Variants in RNF213 observed in about 807,000 individuals in gnomAD.
The protein encoded by RNF213 is ring finger protein 213.
Under a neutral mutation model 514.4 loss-of-function variants are expected in RNF213, and 341 were observed. That is an observed-to-expected ratio of 0.66 (90% CI 0.61 to 0.73). The LOEUF is 0.73. RNF213 is among the 30% of genes least tolerant of loss of function. RNF213 has a pLI of 0.00. For missense variants in RNF213, 5,767 were observed against 6,615.6 expected (o/e 0.87, Z 4.45); for synonymous variants, 2,655 against 2,658.2 (o/e 1.00, Z 0.04).
At chr17:80,384,000 C>CTT (rs1805967061) in intron 59 of RNF213, 72 bp downstream of exon 59, 2 of 1,561,718 alleles carry the variant, frequency 1.3e-6, no homozygotes, top group African/African-American at 1.4e-5. Context: ...AGGCCCTGGG[C>CTT]TTTTACGTAG....
At chr17:80,330,852 C>G (rs1028687165) in intron 20 of RNF213, among the ~76,000 whole-genome samples, 18 of 152,206 alleles carry the variant, frequency 1.2e-4, no homozygotes, top group African/African-American at 4.3e-4. Flanking sequence ...GAGTCTTGCC[C>G]TGTTGTCCAG....
Position 80,372,656 on chromosome 17 carries a change from T to C in RNF213, c.12673T>C (p.Tyr4225His). The part of the protein sequence containing the change: ...REPANEASVE[Y>H]LQEVARIRLC... ...GCCTGCCAACGAGGCCTCGGTTGAATACCTGCAAGAGGTGGCCCGGATCCG... is the reference window on the plus strand; with the variant it reads ...GCCTGCCAACGAGGCCTCGGTTGAACACCTGCAAGAGGTGGCCCGGATCCG... The change falls in exon 48 of 68, where the codon TAC (tyrosine) becomes CAC (histidine). Residue 4225 changes from tyrosine to histidine, a missense_variant. By Grantham distance (83) the Tyr-to-His change is moderately conservative. Transcript: ENST00000582970. 3 of 1,614,092 alleles carry C rather than the reference T, an allele frequency of 1.9e-6. No homozygotes were observed. Among genetic ancestry groups the C allele is most frequent in the Non-Finnish European group, 8.5e-7 (1 of 1,180,014 alleles).
Position 80,349,834 on chromosome 17 carries a change from G to A in RNF213, c.10016G>A (p.Gly3339Asp), listed in dbSNP as rs763735986. The change falls in exon 30 of 68, where the codon GGC becomes GAC. Residue 3339 changes from glycine to aspartate, a missense_variant. Gly to Asp is a moderately conservative substitution (Grantham distance 94). This residue lies in a region of RNF213 where 919 missense variants were observed against 1,121.0 expected (regional missense o/e 0.82). Transcript: ENST00000582970. ...DCEILESEVTGRAPKPTLLWL... is the reference protein window; with the variant it reads ...DCEILESEVTDRAPKPTLLWL... The stretch of plus-strand genomic sequence containing the variant: ...GAAATTTTAGAATCAGAGGTCACAG[G>A]CAGGGCTCCGAAACCCACACTCCTG... The A allele has an allele frequency of 6.8e-6, 11 of 1,614,078 alleles. No homozygotes were observed. The highest frequency in any genetic ancestry group is 9.3e-6 in the Non-Finnish European group (11 of 1,179,972).
chr17:80,312,883 G>T (rs572187647), intron 14 of RNF213, 129 bp from the exon 15 acceptor site: 7 of 992,390 alleles, frequency 7.1e-6, no homozygotes, highest in East Asian at 2.5e-5. Flanking sequence ...CAAGGCCTGT[G>T]GTCCCTCCAT....
intron 11 of RNF213, among the ~76,000 whole-genome samples, chr17:80,302,933 A>G (rs1274249103): frequency 1.3e-5 from 2 of 152,216 alleles, no homozygotes; most frequent in Non-Finnish European, 2.9e-5. Context: ...ATTTAATAGA[A>G]CAGTCATAAT....
intron 49 of RNF213, 33 bp downstream of exon 49, chr17:80,373,198 G>A: frequency 6.3e-7 from 1 of 1,591,472 alleles, no homozygotes; most frequent in Non-Finnish European, 8.5e-7. Context: ...ACACAAACAT[G>A]CACCCCCACA....
At chr17:80,367,716 T>A (rs776710292) in intron 42 of RNF213, 32 bp from the exon 43 acceptor site, 2 of 1,590,304 alleles carry the variant, frequency 1.3e-6, no homozygotes, top group African/African-American at 1.3e-5. Flanking sequence ...CCCTCCCCCC[T>A]GCTAATGACT....
chr17:80,383,697 C>A lies in RNF213; in HGVS notation c.14091C>A (p.Pro4697=). 1 of 1,614,058 alleles carries A rather than the reference C, an allele frequency of 6.2e-7. No homozygotes were observed. The highest frequency in any genetic ancestry group is 1.1e-5 in the South Asian group (1 of 91,078). Residue 4697 remains proline (P), a synonymous_variant, in exon 59 of 68, where the codon CCC becomes CCA. Coordinates refer to ENST00000582970, the MANE Select transcript of RNF213 (RefSeq NM_001256071.3). ...PELEHLDKTL[P]TMNNLISQDK... ...TCCAGCATCTAGATAAAACCCTTCC[C>A]ACCATGAATAATCTCATCAGCCAAG...
At position 80,395,874 on chromosome 17, in the gene RNF213, A is replaced by G. The variant is rs2080648841; in HGVS notation, c.*2376A>G. 1 of 152,208 alleles carries G rather than the reference A, an allele frequency of 6.6e-6. No homozygotes were observed. Among genetic ancestry groups the G allele is most frequent in the Admixed American group, 6.5e-5 (1 of 15,284 alleles). 9.4% of individuals were successfully genotyped at this position (152,208 alleles called of 1,614,324 possible). A position where few individuals can be genotyped will look rare whatever the true frequency, so the allele number is the denominator to read the frequency against. On this transcript the variant is annotated 3_prime_UTR_variant, in exon 68 of 68. Transcript: ENST00000582970. ...CATGCTGGCCTGCACCGGAAGACTC[A>G]CTTTGTCTGCCCTGCGCCAGCCTCA...
intron 16 of RNF213, among the ~76,000 whole-genome samples, chr17:80,318,644 G>C (rs564334514): frequency 6.6e-6 from 1 of 152,120 alleles, no homozygotes; most frequent in Non-Finnish European, 1.5e-5. Context: ...CGGGATCTCG[G>C]CTCACTGCAA....
At chr17:80,281,186 A>C (rs2044249052) in intron 3 of RNF213, among the ~76,000 whole-genome samples, 1 of 102,348 alleles carries the variant, frequency 9.8e-6, no homozygotes, top group African/African-American at 4.0e-5. Context: ...CTCCACACAC[A>C]CATACCCCAC....
chr17:80,308,907 A>T, intron 13 of RNF213, 111 bp from the exon 14 acceptor site: 1 of 1,334,926 alleles, frequency 7.5e-7, no homozygotes, highest in Non-Finnish European at 1.1e-6. Flanking sequence ...AAGGTCAAAC[A>T]AATGCCCTGT....
At chr17:80,276,061 CTTTATTTA>C (rs541486971) in intron 3 of RNF213, among the ~76,000 whole-genome samples, 12 of 150,878 alleles carry the variant, frequency 8.0e-5, no homozygotes, top group East Asian at 3.9e-4. Context: ...GGAACATAGA[CTTTATTTA>C]TTTATTTATT....
chr17:80,335,375 C>T (rs925621104), intron 22 of RNF213, among the ~76,000 whole-genome samples: 8 of 152,082 alleles, frequency 5.3e-5, no homozygotes, highest in East Asian at 1.9e-4. Context: ...CAGGTGTGCT[C>T]GGGGGTCTGG....
chr17:80,363,811 C>A (rs2079146712), intron 41 of RNF213, 21 bp downstream of exon 41: 4 of 1,610,060 alleles, frequency 2.5e-6, no homozygotes, highest in Middle Eastern at 3.8e-4. Flanking sequence ...GGAGCCCTCA[C>A]CCACTGCTTC....
intron 50 of RNF213, chr17:80,374,896 G>A (rs943940179): frequency 1.8e-5 from 7 of 394,250 alleles, no homozygotes; most frequent in African/African-American, 4.1e-5. Flanking sequence ...AGACCCTGCT[G>A]GAAAACAGTC....
intron 2 of RNF213, among the ~76,000 whole-genome samples, chr17:80,271,206 G>C (rs1345253528): frequency 2.0e-5 from 3 of 152,116 alleles, no homozygotes; most frequent in Non-Finnish European, 4.4e-5. Flanking sequence ...TGGGTCGCCT[G>C]TTGCAGATCT....
intron 1 of RNF213, among the ~76,000 whole-genome samples, chr17:80,261,905 T>A (rs974227948): frequency 1.3e-5 from 2 of 152,208 alleles, no homozygotes; most frequent in African/African-American, 2.4e-5. Flanking sequence ...TAACTCCACC[T>A]ACTTGGGAGA....
chr17:80,309,117 G>T lies in RNF213; in HGVS notation c.2601G>T (p.Leu867=). 6.2e-7 allele frequency: 1 copy of T among 1,614,194 alleles called. No individual in the cohort carries two copies. The highest frequency in any genetic ancestry group is 8.5e-7 in the Non-Finnish European group (1 of 1,180,036). Residue 867 remains leucine (L), a synonymous_variant, in exon 14 of 68, where the codon CTG becomes CTT. Transcript: ENST00000582970. The stretch of plus-strand genomic sequence containing the variant: ...CAAAGCTACTTAAGTTTTACGAGCT[G>T]CCAGCCTTATCTGCCGAGATTGTCT... The part of the protein sequence containing the change: ...SSTKLLKFYE[L]PALSAEIVCR...
Sources: allele counts gnomAD v4.1 joint callset (sites outside exome capture counted in the v4.1 genomes callset), GRCh38; gene constraint gnomAD v4.1.1; regional missense constraint gnomAD v4.1.1; transcripts MANE v1.5; gene names NCBI Gene and HGNC (gene_info 2026-07-23, HGNC 2026-07-21).